Variants in SNX13 observed in about 807,000 individuals in gnomAD.
The protein encoded by SNX13 is sorting nexin 13.
A neutral mutation model predicts 133.6 loss-of-function variants in SNX13; 45 were observed. The observed-to-expected ratio is 0.34, with a 90% CI of 0.27 to 0.43. The LOEUF is 0.43. Among genes scored for constraint, SNX13 ranks in the 20% least tolerant of loss-of-function variants. The probability of loss-of-function intolerance (pLI) is 1.00; values close to 1 mark genes in which losing one functional copy is unlikely to be tolerated. For synonymous variants in SNX13, 414 were observed against 373.9 expected, an observed-to-expected ratio of 1.11 and a Z score of -1.24; for missense variants, 1,032 against 1,145.1, an observed-to-expected ratio of 0.90 and a Z score of 1.43.
At chr7:17,933,485 G>A (rs960369622) in intron 1 of SNX13, among the ~76,000 whole-genome samples, 4 of 151,800 alleles carry the variant, frequency 2.6e-5, no homozygotes, top group African/African-American at 9.7e-5. Context: ...AGAGCTTGCA[G>A]TGAGCTGAGA....
intron 21 of SNX13, among the ~76,000 whole-genome samples, chr7:17,802,844 CAACA>C (rs1265152946): frequency 2.0e-5 from 3 of 151,828 alleles, no homozygotes; most frequent in Non-Finnish European, 4.4e-5. Flanking sequence ...ATTAGGAATT[CAACA>C]AACTACACAG....
At chr7:17,886,458 C>G (rs1044182045) in intron 5 of SNX13, among the ~76,000 whole-genome samples, 4 of 151,940 alleles carry the variant, frequency 2.6e-5, no homozygotes, top group Non-Finnish European at 5.9e-5. Flanking sequence ...ATATCAGCTA[C>G]TAAGGAGGCT....
chr7:17,819,942 A>T (rs1787101130), intron 18 of SNX13, among the ~76,000 whole-genome samples: 1 of 152,064 alleles, frequency 6.6e-6, no homozygotes. Flanking sequence ...CACCAAGTCA[A>T]AACATGTCCA....
At chr7:17,804,464 C>T (rs1006906156) in intron 20 of SNX13, among the ~76,000 whole-genome samples, 5 of 151,824 alleles carry the variant, frequency 3.3e-5, no homozygotes, top group Admixed American at 2.0e-4. Context: ...AGAGACGTTG[C>T]AAATCAGACA....
At chr7:17,932,972 C>A (rs898108896) in intron 1 of SNX13, among the ~76,000 whole-genome samples, 2 of 152,192 alleles carry the variant, frequency 1.3e-5, no homozygotes, top group African/African-American at 2.4e-5. Context: ...GGTTTCCCAA[C>A]TGACTCACCA....
At chr7:17,856,652 T>C (rs1195282879) in intron 9 of SNX13, among the ~76,000 whole-genome samples, 2 of 150,618 alleles carry the variant, frequency 1.3e-5, no homozygotes, top group Admixed American at 1.3e-4. Flanking sequence ...ATTAGCCGGG[T>C]ATGGTGGCAT....
intron 23 of SNX13, 60 bp downstream of exon 23, chr7:17,798,949 G>C: frequency 6.5e-7 from 1 of 1,545,074 alleles, no homozygotes; most frequent in Non-Finnish European, 8.7e-7. Flanking sequence ...TCTACTTCCA[G>C]AAGTAAGAGT....
At chr7:17,874,649 A>G (rs1165473848) in intron 7 of SNX13, among the ~76,000 whole-genome samples, 1 of 152,214 alleles carries the variant, frequency 6.6e-6, no homozygotes, top group Non-Finnish European at 1.5e-5. Flanking sequence ...TTCAACAACT[A>G]GAAGGGCTTT....
At chr7:17,870,770 A>G (rs1793998182) in intron 8 of SNX13, among the ~76,000 whole-genome samples, 1 of 152,206 alleles carries the variant, frequency 6.6e-6, no homozygotes, top group African/African-American at 2.4e-5. Context: ...TGTCCTCATT[A>G]GAGTTACAAT....
chr7:17,887,348 G>A (rs1796120464), intron 5 of SNX13, among the ~76,000 whole-genome samples: 1 of 152,058 alleles, frequency 6.6e-6, no homozygotes, highest in African/African-American at 2.4e-5. Flanking sequence ...TTATTTAGAG[G>A]GTGAATAAAA....
At chr7:17,801,487 T>C (rs1039771613) in intron 22 of SNX13, 101 bp downstream of exon 22, 2 of 806,392 alleles carry the variant, frequency 2.5e-6, no homozygotes, top group Non-Finnish European at 3.9e-6. Context: ...ACACTTATAA[T>C]ATGTGCACAT....
At chr7:17,831,354 C>A in intron 15 of SNX13, 2 of 847,778 alleles carry the variant, frequency 2.4e-6, no homozygotes, top group Non-Finnish European at 2.8e-6. Context: ...TTTTAAAAGC[C>A]TATGAGACTG....
chr7:17,892,893 A>G (rs1021665355), intron 3 of SNX13, among the ~76,000 whole-genome samples: 4 of 152,172 alleles, frequency 2.6e-5, no homozygotes, highest in Admixed American at 6.5e-5. Flanking sequence ...TTAGGCCTGA[A>G]TTATTAAAAT....
chr7:17,930,143 A>ACCTC (rs1801232076), intron 1 of SNX13, among the ~76,000 whole-genome samples: 1 of 151,374 alleles, frequency 6.6e-6, no homozygotes, highest in African/African-American at 2.4e-5. Flanking sequence ...AATAAGAATA[A>ACCTC]AGATTTATTG....
At chr7:17,851,574 A>G (rs1336789900) in intron 9 of SNX13, among the ~76,000 whole-genome samples, 1 of 152,184 alleles carries the variant, frequency 6.6e-6, no homozygotes, top group East Asian at 1.9e-4. Context: ...AGACAATGCC[A>G]AAAGAATTTG....
chr7:17,921,643 C>G (rs1455019876), intron 1 of SNX13, among the ~76,000 whole-genome samples: 2 of 152,168 alleles, frequency 1.3e-5, no homozygotes, highest in Non-Finnish European at 2.9e-5. Context: ...AATTCCTGCC[C>G]ATTAGCATTA....
chr7:17,899,835 TG>T (rs1183819074), intron 1 of SNX13: 1 of 152,178 alleles, frequency 6.6e-6, no homozygotes. Flanking sequence ...GTGAGGCCAA[TG>T]TTTTCCTGAA....
rs116509928 is a variant in SNX13 at position 17,913,483 on chromosome 7, G to C, written c.13-16037C>G. On this transcript the variant is annotated intron_variant, in intron 1 of 25. Coordinates refer to ENST00000428135, the MANE Select transcript of SNX13 (RefSeq NM_015132.5). Reference sequence around the variant, plus strand: ...AGGGTAAGCATGTGCAGAGTTAAGAGCCCACCTGCCAATTCTTAATCTTAA... The same window carrying C: ...AGGGTAAGCATGTGCAGAGTTAAGACCCCACCTGCCAATTCTTAATCTTAA... Among the ~76,000 whole-genome samples, 517 of 152,252 alleles carry C rather than the reference G, an allele frequency of 3.4e-3. 2 individuals carry two copies. The highest frequency in any genetic ancestry group is 0.012 in the African/African-American group (487 of 41,544).
intron 1 of SNX13, among the ~76,000 whole-genome samples, chr7:17,932,119 T>C (rs1475975768): frequency 6.6e-6 from 1 of 152,208 alleles, no homozygotes; most frequent in Non-Finnish European, 1.5e-5. Flanking sequence ...TATTGTACTA[T>C]TACAGACAAA....
Sources: allele counts gnomAD v4.1 joint callset (sites outside exome capture counted in the v4.1 genomes callset), GRCh38; gene constraint gnomAD v4.1.1; transcripts MANE v1.5; gene names NCBI Gene and HGNC (gene_info 2026-07-23, HGNC 2026-07-21).